Variants in MGAT5B observed in about 807,000 individuals in gnomAD.
MGAT5B encodes alpha-1,6-mannosylglycoprotein 6-beta-N-acetylglucosaminyltransferase B, also known as N-acetylglucosaminyl-transferase Vb.
In MGAT5B, 54 loss-of-function variants were observed where a neutral mutation model predicts 95.1. The ratio of observed to expected loss-of-function variants is 0.57; its 90% confidence interval spans 0.46 to 0.71. The LOEUF (loss-of-function observed/expected upper bound fraction) is 0.71, where lower values mean the gene tolerates loss of function less well. Ranked by LOEUF, MGAT5B falls within the 30% of genes least tolerant of loss-of-function variation. The pLI is 0.00. For missense variants in MGAT5B, 935 were observed against 1,088.6 expected (o/e 0.86, Z 1.99); for synonymous variants, 464 against 451.0 (o/e 1.03, Z -0.36).
At chr17:76,875,976 A>G (rs1180943635) in intron 2 of MGAT5B, among the ~76,000 whole-genome samples, 1 of 152,014 alleles carries the variant, frequency 6.6e-6, no homozygotes, top group Non-Finnish European at 1.5e-5. Flanking sequence ...GAGAAGGAGG[A>G]GACAGACAAG....
At chr17:76,893,634 G>T (rs576857644) in intron 3 of MGAT5B, among the ~76,000 whole-genome samples, 2 of 152,222 alleles carry the variant, frequency 1.3e-5, no homozygotes, top group African/African-American at 4.8e-5. Context: ...CCTGTCCCCC[G>T]TGCCGGGGTA....
At chr17:76,924,671 C>T (rs1227184731) in intron 8 of MGAT5B, among the ~76,000 whole-genome samples, 1 of 152,214 alleles carries the variant, frequency 6.6e-6, no homozygotes, top group Non-Finnish European at 1.5e-5. Context: ...TAGCCACAGC[C>T]CTGCGGGAGC....
At chr17:76,907,146 G>A (rs1968562037) in intron 8 of MGAT5B, among the ~76,000 whole-genome samples, 1 of 152,006 alleles carries the variant, frequency 6.6e-6, no homozygotes, top group Non-Finnish European at 1.5e-5. Context: ...CCGCCTCCCG[G>A]GTTCAAGCGA....
At chr17:76,931,399 T>C (rs1969471927) in intron 10 of MGAT5B, among the ~76,000 whole-genome samples, 1 of 152,202 alleles carries the variant, frequency 6.6e-6, no homozygotes, top group Non-Finnish European at 1.5e-5. Context: ...ACCTGGCCTA[T>C]CCTGACAATG....
At chr17:76,901,937 A>C (rs1287527702) in intron 3 of MGAT5B, among the ~76,000 whole-genome samples, 1 of 152,282 alleles carries the variant, frequency 6.6e-6, no homozygotes, top group Non-Finnish European at 1.5e-5. Context: ...ATGCACGGAC[A>C]TGCCTGACAC....
Position 76,940,660 on chromosome 17 carries a change from T to C in MGAT5B, c.1732-72T>C. On this transcript the variant is annotated intron_variant, in intron 14 of 17. Transcript: ENST00000569840. This position sits in a 1 kb window ranked among gnomAD's most constrained non-coding sequence, Gnocchi z 4.3. ...GGCAAAAGGAGATAGGACAAGTGTA[T>C]GGGGTACCTTTCTTTGTCCCTGTCC... is the stretch of plus-strand genomic sequence containing the variant. 6.3e-6 allele frequency: 10 copies of C among 1,598,570 alleles called. No homozygotes were observed. The highest frequency in any genetic ancestry group is 8.6e-6 in the Non-Finnish European group (10 of 1,169,484).
Position 76,915,529 on chromosome 17 carries a change from C to T in MGAT5B, c.1025+9342C>T, listed in dbSNP as rs1016145119. ...GCTATCCCTCGAAACAAACAGGATT[C>T]GAACCAAATATGGCAAAATGTTAAG... On this transcript the variant is annotated intron_variant, in intron 8 of 17. Transcript: ENST00000569840. The surrounding 1 kb of genome is among the most constrained non-coding windows in gnomAD (Gnocchi z 8.7). Among the ~76,000 whole-genome samples, 15 of 152,242 alleles carry T rather than the reference C, an allele frequency of 9.9e-5. No homozygotes were observed. The highest frequency in any genetic ancestry group is 2.0e-4 in the Admixed American group (3 of 15,288).
rs7220645 is a variant in MGAT5B at position 76,930,408 on chromosome 17, A to T, written c.1292-2237A>T. Among the ~76,000 whole-genome samples, 26,009 of 152,156 alleles carry T rather than the reference A, an allele frequency of 0.17. 2,286 individuals are homozygous for T. The highest frequency in any genetic ancestry group is 0.19 in the Non-Finnish European group (13,123 of 68,002). On this transcript the variant is annotated intron_variant, in intron 10 of 17. Coordinates refer to ENST00000569840, the MANE Select transcript of MGAT5B (RefSeq NM_001199172.2). The surrounding 1 kb of genome is among the most constrained non-coding windows in gnomAD (Gnocchi z 4.1). ...GGGGGATGTGCATTCGAAATGAAGA[A>T]ATAGGGTATTTAGAATCAAGGCTGT...
In MGAT5B at chr17:76,909,347, T is replaced by C. The variant is rs561691329; in HGVS notation, c.1025+3160T>C. Among the ~76,000 whole-genome samples the C allele has an allele frequency of 2.6e-5, 4 of 152,250 alleles. No homozygotes were observed. In the South Asian group the frequency reaches 8.3e-4, roughly 32 times the overall value. On this transcript the variant is annotated intron_variant, in intron 8 of 17. Coordinates refer to ENST00000569840, the MANE Select transcript of MGAT5B (RefSeq NM_001199172.2). Reference sequence around the variant, plus strand: ...AACCAAACCAACCTCTCTTTATCCCTCCTCCCCACCACATTTGATGAGATT... The same window carrying C: ...AACCAAACCAACCTCTCTTTATCCCCCCTCCCCACCACATTTGATGAGATT...
chr17:76,896,583 G>A (rs1968072009), intron 3 of MGAT5B, among the ~76,000 whole-genome samples: 1 of 152,218 alleles, frequency 6.6e-6, no homozygotes, highest in African/African-American at 2.4e-5. Context: ...TGGCCTCACA[G>A]CTTATCCTCA....
rs781657209 is a variant in MGAT5B, at chr17:76,924,948, G to A, written c.1026-18G>A. The A allele has an allele frequency of 2.5e-6, 4 of 1,611,784 alleles. No homozygotes were observed. The highest frequency in any genetic ancestry group is 1.1e-5 in the South Asian group (1 of 91,048). ...GTGGGTTTCTTGGGGCCCAGAATCT[G>A]AAGGGCTCTTCTCTCAGTAACTTAG... On this transcript the variant is annotated intron_variant, in intron 8 of 17. Transcript: ENST00000569840.
At chr17:76,904,186 G>A in intron 5 of MGAT5B, 66 bp from the exon 6 acceptor site, 1 of 1,493,608 alleles carries the variant, frequency 6.7e-7, no homozygotes, top group South Asian at 1.3e-5. Context: ...GGGTGCACGT[G>A]CGGGGGAGTC....
At chr17:76,935,438 G>A (rs1969620391) in intron 12 of MGAT5B, among the ~76,000 whole-genome samples, 2 of 46,266 alleles carry the variant, frequency 4.3e-5, no homozygotes, top group African/African-American at 1.2e-4. Context: ...AAGTTATTAC[G>A]AGGCTTTCAA....
chr17:76,894,070 C>T (rs4788953), intron 3 of MGAT5B, among the ~76,000 whole-genome samples: 13,770 of 152,256 alleles, frequency 0.09, 847 homozygotes, highest in Admixed American at 0.18. Context: ...CAGCCTGCTT[C>T]CTTTGCTGAG....
At chr17:76,929,912 A>T (rs1969427828) in intron 10 of MGAT5B, among the ~76,000 whole-genome samples, 1 of 152,022 alleles carries the variant, frequency 6.6e-6, no homozygotes, top group Non-Finnish European at 1.5e-5. Flanking sequence ...CTTCTGGTGG[A>T]GTTGGTGGAA....
rs908318203 is a variant in MGAT5B, at chr17:76,940,700, G to A, written c.1732-32G>A. 2 of 1,608,918 alleles carry A rather than the reference G, an allele frequency of 1.2e-6. No homozygotes were observed. The highest frequency in any genetic ancestry group is 2.7e-5 in the African/African-American group (2 of 74,846). ...TGTCCCTGTCCCACTGGCAGGCACGGGGGGCATCTGCAATCTCTGTACCCT... is the reference window on the plus strand; with the variant it reads ...TGTCCCTGTCCCACTGGCAGGCACGAGGGGCATCTGCAATCTCTGTACCCT... On this transcript the variant is annotated intron_variant, in intron 14 of 17. Coordinates refer to ENST00000569840, the MANE Select transcript of MGAT5B (RefSeq NM_001199172.2). The surrounding 1 kb of genome is among the most constrained non-coding windows in gnomAD (Gnocchi z 4.3).
In MGAT5B at chr17:76,943,058, G is replaced by C. The variant is rs941941565; in HGVS notation, c.1848+2210G>C. Among the ~76,000 whole-genome samples the C allele has an allele frequency of 2.6e-5, 4 of 151,900 alleles. No homozygotes were observed. In the East Asian group the frequency reaches 5.8e-4, roughly 22 times the overall value. On this transcript the variant is annotated intron_variant, in intron 15 of 17. Transcript: ENST00000569840. ...TGCCCCCCCGGGAGGCCCAGAAAGC[G>C]GGGTCGGGGGAGGGCTGTGTGCATG...
intron 8 of MGAT5B, among the ~76,000 whole-genome samples, chr17:76,911,063 C>G (rs887154024): frequency 6.6e-6 from 1 of 152,220 alleles, no homozygotes; most frequent in African/African-American, 2.4e-5. Context: ...GTTCTTAACC[C>G]TGGCTGCAGC....
intron 3 of MGAT5B, among the ~76,000 whole-genome samples, chr17:76,886,518 A>G (rs1011989505): frequency 2.0e-5 from 3 of 152,236 alleles, no homozygotes; most frequent in African/African-American, 7.2e-5. Context: ...TGGGAGGCTT[A>G]GAATCACCAA....
Sources: allele counts gnomAD v4.1 joint callset (sites outside exome capture counted in the v4.1 genomes callset), GRCh38; gene constraint gnomAD v4.1.1; non-coding constraint Gnocchi (gnomAD v3.1); transcripts MANE v1.5; gene names NCBI Gene and HGNC (gene_info 2026-07-23, HGNC 2026-07-21).